KIF13B: variants seen among roughly 807,000 people sequenced by gnomAD.
KIF13B encodes kinesin-like protein KIF13B.
A neutral mutation model predicts 222.0 loss-of-function variants in KIF13B; 127 were observed. The observed-to-expected ratio is 0.57, with a 90% confidence interval of 0.50 to 0.66. The LOEUF is 0.66. Ranked by LOEUF, KIF13B falls within the 30% of genes least tolerant of loss-of-function variation. The pLI is 0.00. For synonymous variants in KIF13B, 976 were observed against 919.0 expected, an observed-to-expected ratio of 1.06 and a Z score of -1.12; for missense variants, 2,173 against 2,379.0, an observed-to-expected ratio of 0.91 and a Z score of 1.80.
chr8:29,262,785 A>G (rs1587004043), intron 1 of KIF13B, among the ~76,000 whole-genome samples, 195 bp downstream of exon 1: 1 of 136,316 alleles, frequency 7.3e-6, no homozygotes, highest in African/African-American at 2.8e-5. Context: ...GGGGCTGGCC[A>G]GGGGGGAAGG....
At chr8:29,143,905 C>A (rs1010219975) in intron 18 of KIF13B, among the ~76,000 whole-genome samples, 11 of 151,606 alleles carry the variant, frequency 7.3e-5, no homozygotes, top group African/African-American at 2.7e-4. Context: ...TATCACACCT[C>A]CCCCCCAAAA....
chr8:29,092,929 T>A, intron 36 of KIF13B, 51 bp from the exon 37 acceptor site: 8 of 1,492,828 alleles, frequency 5.4e-6, no homozygotes, highest in Non-Finnish European at 7.2e-6. Context: ...TACATAGACA[T>A]CTTCTTTCCT....
chr8:29,108,043 A>T, intron 35 of KIF13B, 96 bp downstream of exon 35: 1 of 1,023,878 alleles, frequency 9.8e-7, no homozygotes, highest in Non-Finnish European at 1.5e-6. Context: ...GAGTAGAGGA[A>T]ATTCTGGCTT....
At chr8:29,250,609 C>T (rs577667699) in intron 1 of KIF13B, among the ~76,000 whole-genome samples, 36 of 152,312 alleles carry the variant, frequency 2.4e-4, no homozygotes, top group African/African-American at 8.4e-4. Context: ...AAACAACCAT[C>T]TTCACTATTT....
chr8:29,117,094 A>T (rs1001513837), intron 30 of KIF13B, 87 bp from the exon 31 acceptor site: 2 of 1,228,078 alleles, frequency 1.6e-6, no homozygotes, highest in Non-Finnish European at 2.2e-6. Context: ...GCTCAGGCTG[A>T]AAGGGCACAT....
At chr8:29,147,885 T>C (rs554403016) in intron 16 of KIF13B, among the ~76,000 whole-genome samples, 2 of 152,318 alleles carry the variant, frequency 1.3e-5, no homozygotes, top group East Asian at 3.9e-4. Context: ...CATAAGCCAA[T>C]GACAGGCAAG....
chr8:29,198,220 G>T lies in KIF13B; in HGVS notation c.150-2021C>A, dbSNP rs191840638. Among the ~76,000 whole-genome samples, 7 of 152,300 alleles carry T rather than the reference G, an allele frequency of 4.6e-5. 1 individual carries two copies. The East Asian group carries it at 1.3e-3, about 29-fold the overall frequency. ...TTTCTCTGGAATAAGAGATGTAGAA[G>T]AATTTCCTGACAAAAAGACTTCTGA... On this transcript the variant is annotated intron_variant, in intron 2 of 39. Transcript: ENST00000524189.
chr8:29,217,127 T>C (rs1263608925), intron 2 of KIF13B, among the ~76,000 whole-genome samples: 4 of 152,156 alleles, frequency 2.6e-5, no homozygotes, highest in Non-Finnish European at 5.9e-5. Context: ...ATCAAATTAG[T>C]GGTACTCAAG....
rs142928389 is a variant in KIF13B, at chr8:29,161,711, A to G, written c.1270-844T>C. Among the ~76,000 whole-genome samples the G allele has an allele frequency of 4.2e-3, 618 of 147,996 alleles. 2 individuals carry two copies. The highest frequency in any genetic ancestry group is 0.014 in the African/African-American group (586 of 40,682). On this transcript the variant is annotated intron_variant, in intron 12 of 39. Transcript: ENST00000524189. ...ACTCCATCTCAAAACCCCCCCCCAA[A>G]AAAAAACAAAAAACAAACAAACAAA...
At chr8:29,122,361 T>C (rs757943075) in intron 29 of KIF13B, among the ~76,000 whole-genome samples, 2 of 152,192 alleles carry the variant, frequency 1.3e-5, no homozygotes, top group Non-Finnish European at 2.9e-5. Context: ...CACCGTGAGC[T>C]GCAGGGATGA....
At chr8:29,120,166 G>GTTTTT (rs57731633) in intron 29 of KIF13B, among the ~76,000 whole-genome samples, 76 of 102,318 alleles carry the variant, frequency 7.4e-4, no homozygotes, top group East Asian at 6.2e-3. Context: ...AAAAATGACA[G>GTTTTT]TTTTTTTTTT....
intron 2 of KIF13B, among the ~76,000 whole-genome samples, chr8:29,198,406 C>A (rs1813535290): frequency 6.6e-6 from 1 of 152,064 alleles, no homozygotes; most frequent in African/African-American, 2.4e-5. Context: ...ACTGCAACCT[C>A]CGCCTCCTGG....
At chr8:29,122,783 C>A in intron 28 of KIF13B, 137 bp from the exon 29 acceptor site, 1 of 686,002 alleles carries the variant, frequency 1.5e-6, no homozygotes, top group Non-Finnish European at 2.6e-6. Flanking sequence ...TTACTCTAAT[C>A]CAGAATCAGA....
intron 37 of KIF13B, among the ~76,000 whole-genome samples, 181 bp from the exon 38 acceptor site, chr8:29,075,524 C>T (rs1286710139): frequency 6.6e-6 from 1 of 151,216 alleles, no homozygotes; most frequent in Non-Finnish European, 1.5e-5. Flanking sequence ...GCTCCTCCCC[C>T]AGCCAGGGAA....
chr8:29,096,526 C>T (rs1367349448), intron 36 of KIF13B, among the ~76,000 whole-genome samples: 1 of 152,010 alleles, frequency 6.6e-6, no homozygotes, highest in Non-Finnish European at 1.5e-5. Context: ...TCTCAACTAA[C>T]CCACACCTAG....
intron 13 of KIF13B, among the ~76,000 whole-genome samples, chr8:29,157,830 CAAAAA>C (rs901426407): frequency 5.3e-5 from 5 of 94,036 alleles, no homozygotes; most frequent in Non-Finnish European, 6.5e-5. Flanking sequence ...GACCCTGCCT[CAAAAA>C]AAAAAAAAAA....
chr8:29,116,802 T>TA (rs1809619500), intron 31 of KIF13B, 29 bp downstream of exon 31: 3 of 1,577,692 alleles, frequency 1.9e-6, no homozygotes, highest in Admixed American at 1.7e-5. Flanking sequence ...CAACTGTGGT[T>TA]AGAGTCGTTT....
At chr8:29,193,099 C>G (rs919541133) in intron 3 of KIF13B, among the ~76,000 whole-genome samples, 8 of 152,100 alleles carry the variant, frequency 5.3e-5, no homozygotes, top group African/African-American at 1.9e-4. Flanking sequence ...TGTGAAACAG[C>G]AGGCAGGGGA....
At position 29,071,848 on chromosome 8, in the gene KIF13B, C is replaced by A. The variant is rs1328143260; in HGVS notation, c.4990G>T (p.Ala1664Ser). 6.5e-7 allele frequency: 1 copy of A among 1,538,952 alleles called. No homozygotes were observed. The highest frequency in any genetic ancestry group is 1.2e-5 in the South Asian group (1 of 84,002). ...CCCGGGGAGCAGCCGGGGTCCCCAG[C>A]CAGCATGCGCGAGAAGGAGCGCAAC... is the stretch of plus-strand genomic sequence containing the variant. The part of the protein sequence containing the change: ...SELRSFSRML[A>S]GDPGCSPGAE... The change falls in exon 39 of 40, where the codon GCT (alanine) becomes TCT (serine). Residue 1664 changes from alanine to serine, a missense_variant. Ala to Ser is a moderately conservative substitution (Grantham distance 99). Around this residue, in one of 2 missense-constraint regions of KIF13B, gnomAD observed 693 missense variants for 656.2 expected, o/e 1.06. Coordinates refer to ENST00000524189, the MANE Select transcript of KIF13B (RefSeq NM_015254.4). This position sits in a 1 kb window ranked among gnomAD's most constrained non-coding sequence, Gnocchi z 4.9.
Sources: allele counts gnomAD v4.1 joint callset (sites outside exome capture counted in the v4.1 genomes callset), GRCh38; gene constraint gnomAD v4.1.1; regional missense constraint gnomAD v4.1.1; non-coding constraint Gnocchi (gnomAD v3.1); transcripts MANE v1.5; gene names NCBI Gene and HGNC (gene_info 2026-07-23, HGNC 2026-07-21).